The following IL36B variants were observed in gnomAD, a reference collection of about 807,000 sequenced individuals.
The protein encoded by IL36B is interleukin 36 beta.
IL36B carries 23 observed loss-of-function variants against 19.3 expected under a neutral mutation model. That is an observed-to-expected ratio of 1.19 (90% CI 0.86 to 1.69). The LOEUF is 1.69. Among genes scored for constraint, IL36B ranks in the 40% most tolerant of loss-of-function variants. The pLI is 0.00. For missense variants in IL36B, 217 were observed against 200.5 expected (o/e 1.08, Z -0.50); for synonymous variants, 59 against 59.7 (o/e 0.99, Z 0.05).
intron 1 of IL36B, among the ~76,000 whole-genome samples, chr2:113,035,607 T>A (rs1215444734): frequency 2.0e-5 from 3 of 151,730 alleles, no homozygotes; most frequent in Admixed American, 2.0e-4. Flanking sequence ...TATAGCAACA[T>A]CGAAAGTAGA....
intron 5 of IL36B, chr2:113,022,848 G>C: frequency 2.0e-6 from 2 of 978,648 alleles, no homozygotes; most frequent in South Asian, 2.6e-5. Flanking sequence ...AATTGAATAG[G>C]GGCTAAAAGG....
chr2:113,027,665 G>C (rs1464718158), intron 4 of IL36B: 35 of 1,354,410 alleles, frequency 2.6e-5, no homozygotes, highest in Non-Finnish European at 3.3e-5. Flanking sequence ...GGTGGGGTAA[G>C]ATCAAGAAAG....
At chr2:113,029,662 A>G (rs570561644) in intron 3 of IL36B, among the ~76,000 whole-genome samples, 1 of 152,314 alleles carries the variant, frequency 6.6e-6, no homozygotes, top group African/African-American at 2.4e-5. Context: ...CTTGGGATAC[A>G]TGAAGTTAGA....
chr2:113,046,296 A>G (rs1205895572), intron 1 of IL36B, among the ~76,000 whole-genome samples: 6 of 143,892 alleles, frequency 4.2e-5, no homozygotes, highest in African/African-American at 7.9e-5. Flanking sequence ...TGCAAGCTCC[A>G]CCTCCCGGGT....
intron 5 of IL36B, among the ~76,000 whole-genome samples, chr2:113,025,052 C>A (rs1219806464): frequency 6.6e-6 from 1 of 152,162 alleles, no homozygotes; most frequent in Non-Finnish European, 1.5e-5. Flanking sequence ...AAGGCTTGGA[C>A]AAAATGCAAA....
intron 1 of IL36B, among the ~76,000 whole-genome samples, chr2:113,037,385 C>T (rs1228460963): frequency 6.6e-6 from 1 of 152,140 alleles, no homozygotes; most frequent in Non-Finnish European, 1.5e-5. Flanking sequence ...TGTGGTGGCT[C>T]ACACCTGTAA....
chr2:113,028,626 G>C (rs188863143), intron 4 of IL36B, among the ~76,000 whole-genome samples: 1 of 152,182 alleles, frequency 6.6e-6, no homozygotes, highest in East Asian at 1.9e-4. Flanking sequence ...AGAGCATCCC[G>C]TTGTCTTAGA....
At chr2:113,046,688 T>C (rs1685356971) in intron 1 of IL36B, among the ~76,000 whole-genome samples, 2 of 152,208 alleles carry the variant, frequency 1.3e-5, no homozygotes, top group Non-Finnish European at 2.9e-5. Context: ...GTTTTTCTTA[T>C]GATTAGACTA....
intron 1 of IL36B, among the ~76,000 whole-genome samples, chr2:113,048,214 T>C (rs1249126314): frequency 6.6e-6 from 1 of 152,176 alleles, no homozygotes; most frequent in East Asian, 1.9e-4. Flanking sequence ...GATCAAGAGT[T>C]CAGCCTGGCC....
intron 1 of IL36B, among the ~76,000 whole-genome samples, chr2:113,052,316 G>A (rs1266013932): frequency 1.3e-5 from 2 of 151,998 alleles, no homozygotes; most frequent in East Asian, 1.9e-4. Context: ...CCCCAGCCTC[G>A]AGCTCTGCCT....
intron 2 of IL36B, 75 bp downstream of exon 2, chr2:113,031,622 G>T: frequency 8.2e-7 from 1 of 1,214,444 alleles, no homozygotes; most frequent in South Asian, 1.2e-5. Context: ...CAAATGATAG[G>T]GGTCCTTCCA....
At chr2:113,037,215 G>A (rs551893940) in intron 1 of IL36B, among the ~76,000 whole-genome samples, 237 of 152,296 alleles carry the variant, frequency 1.6e-3, no homozygotes, top group African/African-American at 5.4e-3. Context: ...ATGTCCTTCC[G>A]TGTCACAGGC....
intron 3 of IL36B, among the ~76,000 whole-genome samples, chr2:113,029,335 G>A (rs1685025504): frequency 6.6e-6 from 1 of 152,164 alleles, no homozygotes; most frequent in Non-Finnish European, 1.5e-5. Context: ...TGCTTAAGAT[G>A]TGGCCCATGA....
At chr2:113,031,200 C>T in intron 2 of IL36B, 45 bp from the exon 3 acceptor site, 2 of 1,308,286 alleles carry the variant, frequency 1.5e-6, no homozygotes, top group African/African-American at 1.4e-5. Flanking sequence ...AGGTTATCAA[C>T]TTCAGGACTC....
At chr2:113,039,038 AG>A (rs1251749676) in intron 1 of IL36B, among the ~76,000 whole-genome samples, 4 of 152,166 alleles carry the variant, frequency 2.6e-5, no homozygotes, top group Non-Finnish European at 5.9e-5. Context: ...TTTAAGTTTA[AG>A]GGATGAGAAG....
intron 1 of IL36B, among the ~76,000 whole-genome samples, chr2:113,033,998 C>T (rs1443294718): frequency 1.3e-5 from 2 of 152,326 alleles, no homozygotes; most frequent in African/African-American, 4.8e-5. Flanking sequence ...CTCCTTGCTT[C>T]TGTTCTTACC....
chr2:113,029,281 A>G (rs997055957), intron 3 of IL36B, among the ~76,000 whole-genome samples: 14 of 152,304 alleles, frequency 9.2e-5, no homozygotes, highest in African/African-American at 3.1e-4. Context: ...CTTCCCAAAA[A>G]GAAGTAAAAT....
chr2:113,040,131 G>A (rs1454336144), intron 1 of IL36B, among the ~76,000 whole-genome samples: 1 of 152,180 alleles, frequency 6.6e-6, no homozygotes, highest in Non-Finnish European at 1.5e-5. Flanking sequence ...GAATTGTAAA[G>A]CAGAACTACA....
chr2:113,045,824 T>C (rs1685338847), intron 1 of IL36B, among the ~76,000 whole-genome samples: 1 of 152,216 alleles, frequency 6.6e-6, no homozygotes, highest in South Asian at 2.1e-4. Flanking sequence ...TTTTAAGCTC[T>C]TTCATGTCTC....
Sources: allele counts gnomAD v4.1 joint callset (sites outside exome capture counted in the v4.1 genomes callset), GRCh38; gene constraint gnomAD v4.1.1; transcripts MANE v1.5; gene names NCBI Gene and HGNC (gene_info 2026-07-23, HGNC 2026-07-21).